Variants in NME7 observed in about 807,000 individuals in gnomAD.
NME7 encodes nucleoside diphosphate kinase 7.
NME7 carries 41 observed loss-of-function variants against 49.1 expected under a neutral mutation model. That is an observed-to-expected ratio of 0.83 (90% CI 0.65 to 1.08). The LOEUF is 1.08. Among genes scored for constraint, NME7 ranks in the 50% least tolerant of loss-of-function variants. The pLI is 0.00. For synonymous variants in NME7, 139 were observed against 150.6 expected (o/e 0.92, Z 0.56); for missense variants, 423 against 463.4 (o/e 0.91, Z 0.80).
chr1:169,183,625 C>A (rs1010249552), intron 10 of NME7, among the ~76,000 whole-genome samples: 4 of 152,012 alleles, frequency 2.6e-5, no homozygotes, highest in Non-Finnish European at 5.9e-5. Flanking sequence ...CATGGTGAAA[C>A]CCCATCTCTA....
intron 10 of NME7, among the ~76,000 whole-genome samples, chr1:169,204,990 A>AT (rs1417710080): frequency 1.3e-5 from 2 of 152,016 alleles, no homozygotes; most frequent in Non-Finnish European, 2.9e-5. Context: ...TTTCCATCTA[A>AT]TTTTTTGATC....
At chr1:169,187,017 A>G (rs1660084282) in intron 10 of NME7, among the ~76,000 whole-genome samples, 1 of 152,078 alleles carries the variant, frequency 6.6e-6, no homozygotes, top group Non-Finnish European at 1.5e-5. Context: ...TTTGTTATTT[A>G]CCCAGTAGTC....
At chr1:169,238,779 C>T (rs184053965) in intron 7 of NME7, among the ~76,000 whole-genome samples, 1 of 152,154 alleles carries the variant, frequency 6.6e-6, no homozygotes, top group East Asian at 1.9e-4. Context: ...GGTGGATTAA[C>T]TGAGTCATCA....
intron 11 of NME7, among the ~76,000 whole-genome samples, chr1:169,149,914 G>T (rs914080866): frequency 2.0e-5 from 3 of 152,216 alleles, no homozygotes; most frequent in Non-Finnish European, 4.4e-5. Context: ...ATTGAATTCG[G>T]ATTATACAGT....
rs866912095 is a variant in NME7, at chr1:169,367,654, A to G, written c.3+54T>C. 29 of 1,612,230 alleles carry G rather than the reference A, an allele frequency of 1.8e-5. 1 individual carries two copies. In the African/African-American group the frequency reaches 2.1e-4, roughly 12 times the overall value. ...GTGCCCATCCGCCCGAAGACTTGGAAAGCTAAGTAAGTAGGACCCCAGAGC... is the reference window on the plus strand; with the variant it reads ...GTGCCCATCCGCCCGAAGACTTGGAGAGCTAAGTAAGTAGGACCCCAGAGC... On this transcript the variant is annotated intron_variant, in intron 1 of 11. Transcript: ENST00000367811.
intron 6 of NME7, among the ~76,000 whole-genome samples, chr1:169,297,505 T>C (rs1008352594): frequency 6.6e-6 from 1 of 152,178 alleles, no homozygotes; most frequent in Non-Finnish European, 1.5e-5. Flanking sequence ...CTCTTTGCTG[T>C]TAGTTGACCA....
At chr1:169,312,266 C>G (rs1469075885) in intron 3 of NME7, among the ~76,000 whole-genome samples, 2 of 152,178 alleles carry the variant, frequency 1.3e-5, no homozygotes, top group East Asian at 3.8e-4. Flanking sequence ...TCTTCAAATA[C>G]CACCACACAT....
intron 7 of NME7, among the ~76,000 whole-genome samples, chr1:169,258,407 C>T (rs1476064): frequency 0.2 from 11,723 of 58,798 alleles, 1,422 homozygotes; most frequent in East Asian, 0.39. Flanking sequence ...TATATATATA[C>T]ACACACACAC....
intron 7 of NME7, chr1:169,284,379 A>T (rs1195211851): frequency 2.0e-5 from 3 of 151,952 alleles, no homozygotes; most frequent in Non-Finnish European, 2.9e-5. Context: ...TGTTGGGTGC[A>T]TGAATGTCTT....
chr1:169,304,987 C>T (rs543791118), intron 4 of NME7, among the ~76,000 whole-genome samples: 14 of 152,132 alleles, frequency 9.2e-5, no homozygotes, highest in East Asian at 7.7e-4. Context: ...GCTTTTCAAA[C>T]GCAAAAAACT....
At chr1:169,367,597 G>C in intron 1 of NME7, 111 bp downstream of exon 1, 1 of 1,200,400 alleles carries the variant, frequency 8.3e-7, no homozygotes, top group East Asian at 2.3e-5. Context: ...AGAGATAACG[G>C]GGAGAAGGTC....
At chr1:169,337,329 T>C (rs1652522237) in intron 1 of NME7, among the ~76,000 whole-genome samples, 2 of 152,036 alleles carry the variant, frequency 1.3e-5, no homozygotes, top group Admixed American at 6.5e-5. Flanking sequence ...GGGTGCTAAG[T>C]CCCTCATTGC....
chr1:169,341,603 A>G (rs1240286438), intron 1 of NME7, among the ~76,000 whole-genome samples: 1 of 152,114 alleles, frequency 6.6e-6, no homozygotes, highest in Non-Finnish European at 1.5e-5. Context: ...TGCCTGGAAA[A>G]GCCAGGGGCA....
chr1:169,219,477 G>A (rs1384010863), intron 10 of NME7, among the ~76,000 whole-genome samples: 2 of 152,076 alleles, frequency 1.3e-5, no homozygotes, highest in Non-Finnish European at 2.9e-5. Context: ...TGTCTGAGGG[G>A]GTACTGGAAC....
intron 11 of NME7, among the ~76,000 whole-genome samples, chr1:169,167,677 C>G (rs1270005784): frequency 6.6e-6 from 1 of 152,036 alleles, no homozygotes; most frequent in Non-Finnish European, 1.5e-5. Context: ...TCAAATATGG[C>G]TTTGTTTCAT....
intron 1 of NME7, among the ~76,000 whole-genome samples, chr1:169,325,644 T>A (rs1247015940): frequency 6.6e-6 from 1 of 152,180 alleles, no homozygotes; most frequent in Non-Finnish European, 1.5e-5. Flanking sequence ...ATTCTGGATT[T>A]GCCATCTGAT....
intron 3 of NME7, among the ~76,000 whole-genome samples, chr1:169,317,373 T>C (rs1163564986): frequency 6.6e-6 from 1 of 152,206 alleles, no homozygotes; most frequent in Non-Finnish European, 1.5e-5. Context: ...TATCAATTTC[T>C]CCCTGGGAAT....
At chr1:169,179,991 G>C (rs114021769) in intron 10 of NME7, among the ~76,000 whole-genome samples, 2,173 of 148,098 alleles carry the variant, frequency 0.015, 46 homozygotes, top group African/African-American at 0.048. Context: ...AAAAAGGCAT[G>C]TCAGTCAAAG....
chr1:169,361,416 T>C (rs1319413694), intron 1 of NME7, among the ~76,000 whole-genome samples: 1 of 152,210 alleles, frequency 6.6e-6, no homozygotes, highest in Non-Finnish European at 1.5e-5. Context: ...AATAAAATCC[T>C]GTGGATCTTT....
Sources: allele counts gnomAD v4.1 joint callset (sites outside exome capture counted in the v4.1 genomes callset), GRCh38; gene constraint gnomAD v4.1.1; transcripts MANE v1.5; gene names NCBI Gene and HGNC (gene_info 2026-07-23, HGNC 2026-07-21).